The following DDX47 variants were observed in gnomAD, a reference collection of about 807,000 sequenced individuals.
DDX47 encodes the protein probable ATP-dependent RNA helicase DDX47.
DDX47 carries 60 observed loss-of-function variants against 58.8 expected under a neutral mutation model. The ratio of observed to expected loss-of-function variants is 1.02; its 90% confidence interval spans 0.83 to 1.26. The LOEUF is 1.26. Ranked by LOEUF, DDX47 falls within the 50% of genes most tolerant of loss-of-function variation. The pLI is 0.00. For synonymous variants in DDX47, 197 were observed against 204.6 expected (o/e 0.96, Z 0.32); for missense variants, 530 against 573.2 (o/e 0.92, Z 0.77).
At chr12:12,813,632 G>T in intron 1 of DDX47, 178 bp downstream of exon 1, 1 of 635,480 alleles carries the variant, frequency 1.6e-6, no homozygotes, top group Non-Finnish European at 2.7e-6. Context: ...GTGGTGGGAG[G>T]GCTGCTGGGC....
rs566944356 is a variant in DDX47, at chr12:12,822,983, C to T, written c.634-220C>T. Among the ~76,000 whole-genome samples the T allele has an allele frequency of 2.0e-5, 3 of 152,222 alleles. No individual in the cohort carries two copies. The East Asian group carries it at 5.8e-4, about 29-fold the overall frequency. ...AGCAAGGCAGGAGGTGGGGGCAGTG[C>T]CACACTTTAAAACCATGAGAAATTG... On this transcript the variant is annotated intron_variant, in intron 6 of 11. Coordinates refer to ENST00000358007, the MANE Select transcript of DDX47 (RefSeq NM_016355.4).
chr12:12,821,462 G>C (rs150532818), intron 3 of DDX47, 66 bp downstream of exon 3: 3 of 1,570,220 alleles, frequency 1.9e-6, no homozygotes, highest in Non-Finnish European at 2.6e-6. Flanking sequence ...GTGGAGGAAG[G>C]AGAATGGAGG....
intron 6 of DDX47, 29 bp from the exon 7 acceptor site, chr12:12,823,174 G>A: frequency 1.5e-6 from 2 of 1,355,182 alleles, no homozygotes; most frequent in Non-Finnish European, 2.1e-6. Context: ...TTAGGCATCA[G>A]TGTGCTATTC....
chr12:12,818,003 G>A (rs1273946125), intron 2 of DDX47, among the ~76,000 whole-genome samples: 1 of 152,184 alleles, frequency 6.6e-6, no homozygotes, highest in Non-Finnish European at 1.5e-5. Context: ...CCCGCCTGCT[G>A]TTCCCGAAGG....
intron 7 of DDX47, 165 bp downstream of exon 7, chr12:12,823,484 A>G (rs926994759): frequency 3.3e-6 from 2 of 606,746 alleles, no homozygotes; most frequent in Non-Finnish European, 2.9e-6. Context: ...TAAGCCAGAC[A>G]TGCCAGGAAT....
At chr12:12,824,517 A>G (rs1436958677) in intron 8 of DDX47, 23 bp from the exon 9 acceptor site, 18 of 1,595,180 alleles carry the variant, frequency 1.1e-5, no homozygotes, top group Non-Finnish European at 1.5e-5. Context: ...AAGTTTTCCA[A>G]CATTTCTTTT....
rs12427208 is a variant in DDX47, at chr12:12,813,603, G to T, written c.87+149G>T. On this transcript the variant is annotated intron_variant, in intron 1 of 11. Coordinates refer to ENST00000358007, the MANE Select transcript of DDX47 (RefSeq NM_016355.4). The stretch of plus-strand genomic sequence containing the variant: ...CCAGAATTTCAGAGGGCTGGGTTTC[G>T]GACGTGCTCTGAGTTTGGGTGGTGG... 3.0e-3 allele frequency: 2,259 copies of T among 750,704 alleles called. 95 individuals are homozygous for T. In the Admixed American group the frequency reaches 0.053, roughly 18 times the overall value. 46.5% of individuals were successfully genotyped at this position (750,704 alleles called of 1,614,324 possible).
At chr12:12,825,190 A>T (rs1188764761) in intron 9 of DDX47, 1 of 153,080 alleles carries the variant, frequency 6.5e-6, no homozygotes, top group Non-Finnish European at 1.5e-5. Flanking sequence ...GACGGTCTTG[A>T]TCTCCTGACC....
In DDX47 at chr12:12,825,988, T is replaced by A; in HGVS notation, c.1036-12T>A. On this transcript the variant is annotated splice_polypyrimidine_tract_variant and intron_variant, in intron 9 of 11. Coordinates refer to ENST00000358007, the MANE Select transcript of DDX47 (RefSeq NM_016355.4). ...CCATATAACTTGAATTTATTTACCC[T>A]TTTTGTTTTAGGATTACATCCATCG... The A allele has an allele frequency of 6.2e-7, 1 of 1,601,764 alleles. No homozygotes were observed. The highest frequency in any genetic ancestry group is 2.2e-5 in the East Asian group (1 of 44,574).
intron 9 of DDX47, 31 bp downstream of exon 9, chr12:12,824,708 T>G: frequency 6.2e-7 from 1 of 1,602,440 alleles, no homozygotes; most frequent in Non-Finnish European, 8.5e-7. Context: ...ACCTTTCTAG[T>G]CCTAAAGTGT....
At chr12:12,828,024 C>T (rs1042022291) in intron 11 of DDX47, among the ~76,000 whole-genome samples, 1 of 151,940 alleles carries the variant, frequency 6.6e-6, no homozygotes, top group Non-Finnish European at 1.5e-5. Context: ...TGCCACCATG[C>T]CCAGCTAATT....
chr12:12,813,609 GCT>G, intron 1 of DDX47, 155 bp downstream of exon 1: 1 of 728,040 alleles, frequency 1.4e-6, no homozygotes, highest in Non-Finnish European at 2.3e-6. Context: ...TTTCGGACGT[GCT>G]CTGAGTTTGG....
chr12:12,813,673 C>T (rs1862849593), intron 1 of DDX47, among the ~76,000 whole-genome samples: 1 of 152,172 alleles, frequency 6.6e-6, no homozygotes, highest in South Asian at 2.1e-4. Flanking sequence ...CTATTCGCCA[C>T]TTTAGTGTGG....
rs145684455 is a variant in DDX47 at position 12,813,414 on chromosome 12, C to A, written c.47C>A (p.Pro16Gln). The A allele has an allele frequency of 6.1e-4, 990 of 1,613,438 alleles. 5 individuals are homozygous for A. In the African/African-American group the frequency reaches 0.011, roughly 18 times the overall value. The change falls in exon 1 of 12, where the codon CCG becomes CAG. Residue 16 changes from proline (P) to glutamine (Q), a missense_variant. By Grantham distance (76) the Pro-to-Gln change is moderately conservative. Coordinates refer to ENST00000358007, the MANE Select transcript of DDX47 (RefSeq NM_016355.4). Reference protein sequence around the residue: ...EHDSPTEASQPIVEEEETKTF... With the variant: ...EHDSPTEASQQIVEEEETKTF... ...GATTCTCCGACCGAAGCGTCCCAGC[C>A]GATTGTGGAAGAGGAGGAAACTAAA...
intron 8 of DDX47, 178 bp downstream of exon 8, chr12:12,824,194 G>A: frequency 1.3e-6 from 1 of 764,196 alleles, no homozygotes; most frequent in East Asian, 2.7e-5. Flanking sequence ...AGGGTAGCGA[G>A]AGGCTCCCAT....
chr12:12,816,425 G>A (rs1399422667), intron 2 of DDX47, among the ~76,000 whole-genome samples: 1 of 152,138 alleles, frequency 6.6e-6, no homozygotes, highest in African/African-American at 2.4e-5. Context: ...ACTTCACAAA[G>A]TATACATGTA....
intron 2 of DDX47, among the ~76,000 whole-genome samples, chr12:12,819,691 G>T (rs1862942505): frequency 1.3e-5 from 2 of 152,144 alleles, no homozygotes; most frequent in African/African-American, 4.8e-5. Flanking sequence ...TAAGTTCCAA[G>T]TTCCCTGTGT....
chr12:12,821,845 T>A, intron 4 of DDX47, 119 bp downstream of exon 4: 1 of 1,196,122 alleles, frequency 8.4e-7, no homozygotes, highest in African/African-American at 1.5e-5. Context: ...TTTTAATTTC[T>A]TAAGTTAAAT....
intron 1 of DDX47, 197 bp downstream of exon 1, chr12:12,813,651 C>T: frequency 3.3e-6 from 2 of 604,394 alleles, no homozygotes; most frequent in African/African-American, 1.9e-5. Flanking sequence ...GCCCTGAGAC[C>T]CCCTATTTGC....
Sources: gnomAD v4.1 joint callset for allele counts (sites outside exome capture counted in the v4.1 genomes callset) on GRCh38, gnomAD v4.1.1 for gene constraint, MANE v1.5 for transcripts, NCBI Gene and HGNC (gene_info 2026-07-23, HGNC 2026-07-21) for gene names.